The following ARIH2 variants were observed in gnomAD, a reference collection of about 807,000 sequenced individuals.
ARIH2 encodes the protein ariadne RBR E3 ubiquitin protein ligase 2.
In ARIH2, 12 loss-of-function variants were observed where a neutral mutation model predicts 79.8. That is an observed-to-expected ratio of 0.15 (90% CI 0.10 to 0.24). The LOEUF is 0.24. Ranked by LOEUF, ARIH2 falls within the 10% of genes least tolerant of loss-of-function variation. The pLI, the probability that ARIH2 is intolerant of heterozygous loss-of-function variation, is 1.00. For missense variants in ARIH2, 301 were observed against 618.3 expected (o/e 0.49, Z 5.44); for synonymous variants, 224 against 213.9 (o/e 1.05, Z -0.41).
intron 3 of ARIH2, among the ~76,000 whole-genome samples, chr3:48,959,721 C>A (rs930265513): frequency 1.2e-4 from 18 of 149,758 alleles, no homozygotes; most frequent in African/African-American, 4.4e-4. Flanking sequence ...ATGCCACTTA[C>A]CTTGGAAGGA....
At chr3:48,959,649 CAAAAAAAAAAAA>C (rs71077758) in intron 3 of ARIH2, among the ~76,000 whole-genome samples, 23 of 50,102 alleles carry the variant, frequency 4.6e-4, no homozygotes, top group African/African-American at 1.1e-3. Context: ...TAAAAAATAC[CAAAAAAAAAAAA>C]AAAAAAAAAA....
chr3:48,924,956 A>C (rs2085348099), intron 2 of ARIH2: 1 of 151,870 alleles, frequency 6.6e-6, no homozygotes, highest in South Asian at 2.1e-4. Context: ...GGCCTCCCAA[A>C]GTGCTGGGAT....
At chr3:48,950,135 G>A (rs565681168) in intron 3 of ARIH2, among the ~76,000 whole-genome samples, 36 of 152,092 alleles carry the variant, frequency 2.4e-4, no homozygotes, top group Admixed American at 9.2e-4. Context: ...TCTGTGTTTT[G>A]TTTGTTATGT....
chr3:48,959,006 C>T (rs1371850327), intron 3 of ARIH2, among the ~76,000 whole-genome samples: 1 of 148,868 alleles, frequency 6.7e-6, no homozygotes, highest in East Asian at 2.0e-4. Flanking sequence ...ATAGTGAGAT[C>T]CTGTCTCAAA....
chr3:48,966,856 C>T (rs1033643912), intron 5 of ARIH2, among the ~76,000 whole-genome samples: 2 of 152,172 alleles, frequency 1.3e-5, no homozygotes, highest in Non-Finnish European at 2.9e-5. Context: ...CCATTATAAA[C>T]CACTGTAAGT....
chr3:48,919,360 G>C, intron 1 of ARIH2: 1 of 588,866 alleles, frequency 1.7e-6, no homozygotes. Flanking sequence ...AGCGCTGCCC[G>C]CGCGGTTTAA....
intron 3 of ARIH2, among the ~76,000 whole-genome samples, chr3:48,942,866 G>A (rs1341448362): frequency 6.6e-6 from 1 of 151,972 alleles, no homozygotes; most frequent in African/African-American, 2.4e-5. Flanking sequence ...GGTCAGGCTG[G>A]TCTCAAACTC....
chr3:48,921,917 T>C (rs546761449), intron 1 of ARIH2, among the ~76,000 whole-genome samples: 138 of 152,050 alleles, frequency 9.1e-4, no homozygotes, highest in African/African-American at 3.2e-3. Context: ...ACGACATTTA[T>C]GAGTAATGTG....
chr3:48,944,836 C>T, intron 3 of ARIH2: 1 of 307,920 alleles, frequency 3.2e-6, no homozygotes, highest in South Asian at 2.7e-5. Context: ...CCTCCCTCCA[C>T]ATCATCCCTT....
At chr3:48,945,516 C>A (rs1372191496) in intron 3 of ARIH2, among the ~76,000 whole-genome samples, 1 of 152,114 alleles carries the variant, frequency 6.6e-6, no homozygotes, top group Non-Finnish European at 1.5e-5. Context: ...ACTCGCAAAA[C>A]CTTTTTTTTG....
chr3:48,952,906 G>T (rs1017670735), intron 3 of ARIH2, among the ~76,000 whole-genome samples: 2 of 152,028 alleles, frequency 1.3e-5, no homozygotes, highest in African/African-American at 4.8e-5. Flanking sequence ...CATAAAGAAA[G>T]AATATCTTAG....
intron 9 of ARIH2, chr3:48,974,563 A>C (rs2092407579): frequency 3.6e-6 from 2 of 559,204 alleles, no homozygotes; most frequent in Non-Finnish European, 6.4e-6. Context: ...GAGTAGCTTC[A>C]TGGCAGGGGC....
intron 3 of ARIH2, among the ~76,000 whole-genome samples, chr3:48,937,414 C>T (rs2087315651): frequency 6.6e-6 from 1 of 152,150 alleles, no homozygotes; most frequent in African/African-American, 2.4e-5. Flanking sequence ...ACATGAATCC[C>T]TCCCTGATCC....
chr3:48,950,736 G>A (rs1452836583), intron 3 of ARIH2, among the ~76,000 whole-genome samples: 1 of 152,032 alleles, frequency 6.6e-6, no homozygotes, highest in Non-Finnish European at 1.5e-5. Context: ...GACTTAGAAT[G>A]AAACAAAGGA....
At chr3:48,938,449 AT>A (rs1328128618) in intron 3 of ARIH2, among the ~76,000 whole-genome samples, 1 of 152,170 alleles carries the variant, frequency 6.6e-6, no homozygotes, top group African/African-American at 2.4e-5. Flanking sequence ...TATAAGCATC[AT>A]TGATAAACCT....
intron 3 of ARIH2, among the ~76,000 whole-genome samples, chr3:48,935,757 G>A (rs924101005): frequency 6.6e-6 from 1 of 152,196 alleles, no homozygotes. Flanking sequence ...CATGGTAGAA[G>A]CGGGGCAAAA....
At chr3:48,975,095 C>A in intron 11 of ARIH2, 116 bp downstream of exon 11, 2 of 1,550,810 alleles carry the variant, frequency 1.3e-6, no homozygotes, top group South Asian at 2.3e-5. Flanking sequence ...GAACCTCAGT[C>A]ACTTAACAGT....
intron 2 of ARIH2, among the ~76,000 whole-genome samples, chr3:48,924,160 A>G (rs551303753): frequency 4.0e-5 from 6 of 151,872 alleles, no homozygotes; most frequent in South Asian, 2.1e-4. Context: ...ACTGGTTACA[A>G]ATTCTTTTTC....
chr3:48,980,550 C>T (rs2092710215), intron 13 of ARIH2, 54 bp downstream of exon 13: 1 of 1,586,150 alleles, frequency 6.3e-7, no homozygotes, highest in Non-Finnish European at 8.6e-7. Flanking sequence ...CTCCGTCAGG[C>T]ACAGACCTCT....
Sources: allele counts gnomAD v4.1 joint callset (sites outside exome capture counted in the v4.1 genomes callset), GRCh38; gene constraint gnomAD v4.1.1; transcripts MANE v1.5; gene names NCBI Gene and HGNC (gene_info 2026-07-23, HGNC 2026-07-21).